Variants in SECISBP2L observed in about 807,000 individuals in gnomAD.
The protein encoded by SECISBP2L is SECIS binding protein 2 like.
SECISBP2L carries 43 observed loss-of-function variants against 114.7 expected under a neutral mutation model. The observed-to-expected ratio is 0.38, with a 90% confidence interval of 0.29 to 0.48. The LOEUF (loss-of-function observed/expected upper bound fraction) is 0.48, where lower values mean the gene tolerates loss of function less well. SECISBP2L is among the 20% of genes least tolerant of loss of function. The pLI is 0.98. For synonymous variants in SECISBP2L, 451 were observed against 439.7 expected (o/e 1.03, Z -0.32); for missense variants, 1,136 against 1,301.1 (o/e 0.87, Z 1.95).
Position 48,996,526 on chromosome 15 carries a change from C to T in SECISBP2L, c.2464G>A (p.Val822Ile). 1.2e-6 allele frequency: 2 copies of T among 1,614,092 alleles called. No homozygotes were observed. Among genetic ancestry groups the T allele is most frequent in the East Asian group, 2.2e-5 (1 of 44,874 alleles). The change falls in exon 17 of 18, where the codon GTT becomes ATT. Residue 822 changes from valine to isoleucine, a missense_variant. Physicochemically the swap from Val to Ile is conservative, Grantham distance 29 (BLOSUM62 3). This residue lies in a region of SECISBP2L where 684 missense variants were observed against 848.7 expected (regional missense o/e 0.81). Coordinates refer to ENST00000559471, the MANE Select transcript of SECISBP2L (RefSeq NM_001193489.2). Reference protein sequence around the residue: ...EEARKAYKDMVAAMEQEQAEE... With the variant: ...EEARKAYKDMIAAMEQEQAEE... The stretch of plus-strand genomic sequence containing the variant: ...GCCTGCTCCTGTTCCATTGCTGCAA[C>T]CATATCTTTATATGCTTTCCTGGCC...
At chr15:49,020,423 G>A (rs1902619727) in intron 7 of SECISBP2L, among the ~76,000 whole-genome samples, 1 of 151,884 alleles carries the variant, frequency 6.6e-6, no homozygotes, top group Admixed American at 6.6e-5. Context: ...TGTTGCCCAG[G>A]CTGGTCTCAA....
intron 1 of SECISBP2L, chr15:49,042,194 T>C (rs773005146): frequency 2.0e-5 from 3 of 152,264 alleles, no homozygotes; most frequent in South Asian, 2.1e-4. Context: ...TGATGGAGTT[T>C]CCCCTCTAAC....
intron 7 of SECISBP2L, among the ~76,000 whole-genome samples, chr15:49,020,651 G>A (rs1902623503): frequency 6.6e-6 from 1 of 152,044 alleles, no homozygotes; most frequent in African/African-American, 2.4e-5. Context: ...AGGACCACAG[G>A]TGTGCACCAC....
intron 14 of SECISBP2L, among the ~76,000 whole-genome samples, chr15:49,003,784 G>C (rs111858774): frequency 0.21 from 31,250 of 152,184 alleles, 3,899 homozygotes; most frequent in Middle Eastern, 0.3. Context: ...TCCAAGAGAT[G>C]AAGCCGACTT....
In SECISBP2L at chr15:48,996,505, G is replaced by A; in HGVS notation, c.2485C>T (p.Gln829Ter). The change falls in exon 17 of 18, where the codon CAG becomes TAG. Residue 829 changes from glutamine to a stop codon, truncating the protein, a stop_gained. Coordinates refer to ENST00000559471, the MANE Select transcript of SECISBP2L (RefSeq NM_001193489.2). LOFTEE classifies it high-confidence loss of function. ...KDMVAAMEQE[Q>*]AEEALKNVKK... ...ACATTCTTTAAGGCTTCCTCAGCCT[G>A]CTCCTGTTCCATTGCTGCAACCATA... The A allele has an allele frequency of 6.2e-7, 1 of 1,614,112 alleles. No homozygotes were observed. The highest frequency in any genetic ancestry group is 8.5e-7 in the Non-Finnish European group (1 of 1,179,998).
At chr15:49,013,476 T>C (rs1219919091) in intron 11 of SECISBP2L, among the ~76,000 whole-genome samples, 1 of 152,122 alleles carries the variant, frequency 6.6e-6, no homozygotes, top group East Asian at 1.9e-4. Flanking sequence ...TTGGTATTTT[T>C]AGTAGAGACA....
rs766753991 is a variant in SECISBP2L at position 48,996,672 on chromosome 15, T to C, written c.2404-86A>G. The C allele has an allele frequency of 8.0e-4, 957 of 1,202,990 alleles. 1 individual carries two copies. The highest frequency in any genetic ancestry group is 9.8e-4 in the Non-Finnish European group (861 of 875,212). 74.5% of individuals were successfully genotyped at this position (1,202,990 alleles called of 1,614,324 possible). A position where few individuals can be genotyped will look rare whatever the true frequency, so the allele number is the denominator to read the frequency against. On this transcript the variant is annotated intron_variant, in intron 16 of 17. Coordinates refer to ENST00000559471, the MANE Select transcript of SECISBP2L (RefSeq NM_001193489.2). ...GGATAATAAATATCTCTACTGTTTG[T>C]TTCAGGGTCAGACACTTTCAATGAG... is the stretch of plus-strand genomic sequence containing the variant.
rs1487446666 is a variant in SECISBP2L at position 48,996,494 on chromosome 15, T to G, written c.2496A>C (p.Glu832Asp). The G allele has an allele frequency of 6.2e-7, 1 of 1,614,158 alleles. No homozygotes were observed. Among genetic ancestry groups the G allele is most frequent in the Admixed American group, 1.7e-5 (1 of 60,024 alleles). ...GTACCTTCTTCACATTCTTTAAGGC[T>G]TCCTCAGCCTGCTCCTGTTCCATTG... ...VAAMEQEQAEEALKNVKKVPH... is the reference protein window; with the variant it reads ...VAAMEQEQAEDALKNVKKVPH... The change falls in exon 17 of 18, where the codon GAA becomes GAC. Residue 832 changes from glutamate to aspartate, a missense_variant. Coordinates refer to ENST00000559471, the MANE Select transcript of SECISBP2L (RefSeq NM_001193489.2).
chr15:49,031,037 C>CTTTTT (rs373799142), intron 4 of SECISBP2L, among the ~76,000 whole-genome samples: 19 of 82,968 alleles, frequency 2.3e-4, no homozygotes, highest in African/African-American at 5.2e-4. Context: ...TTATCATTTT[C>CTTTTT]TTTTTTTTTT....
intron 3 of SECISBP2L, among the ~76,000 whole-genome samples, chr15:49,033,920 C>A (rs1014876934): frequency 6.6e-5 from 10 of 152,164 alleles, no homozygotes; most frequent in Non-Finnish European, 4.4e-5. Context: ...GCAACTTACA[C>A]AATAGAACTC....
At chr15:49,022,868 T>C (rs544804668) in intron 7 of SECISBP2L, among the ~76,000 whole-genome samples, 1 of 152,262 alleles carries the variant, frequency 6.6e-6, no homozygotes, top group Non-Finnish European at 1.5e-5. Flanking sequence ...GGATCATATC[T>C]CACATCATAT....
At chr15:49,028,105 T>C (rs772362475) in intron 6 of SECISBP2L, 39 bp downstream of exon 6, 1 of 1,549,138 alleles carries the variant, frequency 6.5e-7, no homozygotes, top group South Asian at 1.2e-5. Context: ...ATGGACAAAG[T>C]AGAAAGTATA....
chr15:49,043,083 G>GTA (rs1449314693), intron 1 of SECISBP2L, among the ~76,000 whole-genome samples: 1 of 152,076 alleles, frequency 6.6e-6, no homozygotes, highest in Non-Finnish European at 1.5e-5. Context: ...TTCCCTAAAT[G>GTA]TATATATTAA....
intron 7 of SECISBP2L, among the ~76,000 whole-genome samples, chr15:49,020,308 T>G (rs1595789990): frequency 6.6e-6 from 1 of 151,528 alleles, no homozygotes; most frequent in African/African-American, 2.4e-5. Context: ...TAGGCTCGAG[T>G]GATTCTCTTG....
intron 5 of SECISBP2L, 92 bp from the exon 6 acceptor site, chr15:49,028,260 G>A (rs1227539722): frequency 1.8e-6 from 2 of 1,110,420 alleles, no homozygotes; most frequent in Admixed American, 5.4e-5. Flanking sequence ...CTAGTGTGAA[G>A]CATGCATATC....
chr15:49,019,759 C>A lies in SECISBP2L; in HGVS notation c.1036-207G>T, dbSNP rs965331735. On this transcript the variant is annotated intron_variant, in intron 7 of 17. Coordinates refer to ENST00000559471, the MANE Select transcript of SECISBP2L (RefSeq NM_001193489.2). ...AAAATGAGACAATTAATCCACATTG[C>A]TTTTTTCCCCTCGACATGAATATTT... The A allele has an allele frequency of 1.3e-5, 5 of 384,154 alleles. 1 individual carries two copies. Among genetic ancestry groups the A allele is most frequent in the African/African-American group, 1.0e-4 (5 of 48,118 alleles). 23.8% of individuals were successfully genotyped at this position (384,154 alleles called of 1,614,324 possible).
Position 49,012,133 on chromosome 15 carries a change from C to CA in SECISBP2L, c.1732-271dup, listed in dbSNP as rs35689800. ...ATCCTAGGTGGCAAACTAGAGTTTC[C>CA]AAAAAAAAAAAGGGTAAATTAAAAA... On this transcript the variant is annotated intron_variant, in intron 12 of 17. Coordinates refer to ENST00000559471, the MANE Select transcript of SECISBP2L (RefSeq NM_001193489.2). Among the ~76,000 whole-genome samples the CA allele has an allele frequency of 4.5e-4, 66 of 147,012 alleles. No individual in the cohort carries two copies. The South Asian group carries it at 8.2e-3, about 18-fold the overall frequency.
At chr15:49,040,953 C>A (rs987549617) in intron 1 of SECISBP2L, among the ~76,000 whole-genome samples, 1 of 151,468 alleles carries the variant, frequency 6.6e-6, no homozygotes, top group Non-Finnish European at 1.5e-5. Context: ...AAAAAAAAAG[C>A]CTTGCATAGT....
intron 4 of SECISBP2L, 98 bp from the exon 5 acceptor site, chr15:49,028,780 C>A: frequency 9.9e-7 from 1 of 1,014,762 alleles, no homozygotes; most frequent in Non-Finnish European, 1.5e-6. Flanking sequence ...AGATACCAAA[C>A]TTCATAAATG....
Sources: allele counts gnomAD v4.1 joint callset (sites outside exome capture counted in the v4.1 genomes callset), GRCh38; gene constraint gnomAD v4.1.1; regional missense constraint gnomAD v4.1.1; transcripts MANE v1.5; gene names NCBI Gene and HGNC (gene_info 2026-07-23, HGNC 2026-07-21).